The following TSPOAP1 variants were observed in gnomAD, a reference collection of about 807,000 sequenced individuals.
TSPOAP1 encodes TSPO associated protein 1.
TSPOAP1 carries 87 observed loss-of-function variants against 197.0 expected under a neutral mutation model. The ratio of observed to expected loss-of-function variants is 0.44; its 90% CI spans 0.37 to 0.53. The LOEUF (loss-of-function observed/expected upper bound fraction) is 0.53. TSPOAP1 is among the 20% of genes least tolerant of loss of function. TSPOAP1 has a pLI of 0.00. For missense variants in TSPOAP1, 2,174 were observed against 2,411.3 expected, an observed-to-expected ratio of 0.90 and a Z score of 2.06; for synonymous variants, 913 against 998.9, an observed-to-expected ratio of 0.91 and a Z score of 1.62.
In TSPOAP1 at chr17:58,324,346, G is replaced by A. The variant is rs1450371119; in HGVS notation, c.942+465C>T. 6.6e-6 allele frequency among the ~76,000 whole-genome samples: 1 copy of A among 152,184 alleles called. No homozygotes were observed. Among genetic ancestry groups the A allele is most frequent in the Non-Finnish European group, 1.5e-5 (1 of 68,002 alleles). On this transcript the variant is annotated intron_variant, in intron 5 of 31. Transcript: ENST00000343736. This position sits in a 1 kb window ranked among gnomAD's most constrained non-coding sequence, Gnocchi z 5.8. Reference sequence around the variant, plus strand: ...GGGCTGCCTAAGCCCCCCGCTCAGTGAGGGTTGCCTGTACCTGGAGCCGGG... The same window carrying A: ...GGGCTGCCTAAGCCCCCCGCTCAGTAAGGGTTGCCTGTACCTGGAGCCGGG...
At chr17:58,306,739 G>A (rs939135150) in intron 25 of TSPOAP1, 61 bp downstream of exon 25, 19 of 1,561,184 alleles carry the variant, frequency 1.2e-5, no homozygotes, top group Non-Finnish European at 1.6e-5. Context: ...AATTGCTCAG[G>A]GTCAGGTGGA....
chr17:58,305,224 C>T lies in TSPOAP1; in HGVS notation c.5434-53G>A, dbSNP rs780825648. 1.7e-5 allele frequency: 26 copies of T among 1,509,800 alleles called. 3 individuals are homozygous for T. In the South Asian group the frequency reaches 2.1e-4, roughly 12 times the overall value. 93.5% of individuals were successfully genotyped at this position (1,509,800 alleles called of 1,614,324 possible). On this transcript the variant is annotated intron_variant, in intron 29 of 31. Coordinates refer to ENST00000343736, the MANE Select transcript of TSPOAP1 (RefSeq NM_004758.4). ...GATCAGGAAAGAGGCTCTGGCCCTGCCCCTCGACTCTGATGCCCCTGGGGA... is the reference window on the plus strand; with the variant it reads ...GATCAGGAAAGAGGCTCTGGCCCTGTCCCTCGACTCTGATGCCCCTGGGGA...
rs753454103 is a variant in TSPOAP1 at position 58,318,369 on chromosome 17, G to A, written c.1783C>T (p.Arg595Ter). Residue 595 changes from arginine to a stop codon, truncating the protein, a stop_gained, in exon 14 of 32, where the codon CGA becomes TGA. Transcript: ENST00000343736. LOFTEE classifies it high-confidence loss of function. ...GACTCTGCCTTCTTGGCTGTCCTTC[G>A]AGGGACCCCAGTGAGAGTGGCAGGG... ...PAPATLTGVP[R>*]RTAKKAESLS... The A allele has an allele frequency of 1.9e-6, 3 of 1,614,028 alleles. No homozygotes were observed. Among genetic ancestry groups the A allele is most frequent in the East Asian group, 2.2e-5 (1 of 44,884 alleles).
chr17:58,310,567 T>C lies in TSPOAP1; in HGVS notation c.3644A>G (p.Asn1215Ser). ...TQGARAQQAP[N>S]TEMCQGGDPG... Reference sequence around the variant, plus strand: ...GTCTCCTCCTTGGCACATCTCGGTATTTGGCGCCTGCTGGGCCCGTGCTCC... The same window carrying C: ...GTCTCCTCCTTGGCACATCTCGGTACTTGGCGCCTGCTGGGCCCGTGCTCC... The change falls in exon 20 of 32, where the codon AAT (asparagine) becomes AGT (serine). Residue 1215 changes from asparagine (N) to serine (S), a missense_variant. Transcript: ENST00000343736. The C allele has an allele frequency of 6.2e-7, 1 of 1,613,444 alleles. No homozygotes were observed. Among genetic ancestry groups the C allele is most frequent in the Admixed American group, 1.7e-5 (1 of 60,028 alleles).
chr17:58,323,556 C>A lies in TSPOAP1; in HGVS notation c.943-11G>T, dbSNP rs1163472872. 1.2e-6 allele frequency: 2 copies of A among 1,612,726 alleles called. No individual in the cohort carries two copies. Among genetic ancestry groups the A allele is most frequent in the African/African-American group, 2.7e-5 (2 of 74,922 alleles). The stretch of plus-strand genomic sequence containing the variant: ...CTCCTGGGGCGTGGCCTGGAAATGC[C>A]CAGGGGCAAGGGGCTGGCACCTGAG... On this transcript the variant is annotated splice_polypyrimidine_tract_variant and intron_variant, in intron 5 of 31. Transcript: ENST00000343736.
intron 20 of TSPOAP1, 26 bp from the exon 21 acceptor site, chr17:58,310,184 G>C: frequency 1.2e-6 from 2 of 1,604,988 alleles, no homozygotes; most frequent in Non-Finnish European, 1.7e-6. Context: ...CAAGGCAGGA[G>C]AGATAAGGAC....
Position 58,308,847 on chromosome 17 carries a change from C to G in TSPOAP1, c.4425G>C (p.Arg1475Ser). The G allele has an allele frequency of 1.2e-6, 2 of 1,610,214 alleles. No homozygotes were observed. Among genetic ancestry groups the G allele is most frequent in the African/African-American group, 2.7e-5 (2 of 75,026 alleles). ...SGRGRLGPSR[R>S]CSRGRALEPG... ...GCTCCAGCGCCCGGCCACGGGAGCA[C>G]CTCCGGGAAGGGCCCAGCCGGCCTC... The change falls in exon 22 of 32, where the codon AGG (arginine) becomes AGC (serine). Residue 1475 changes from arginine (R) to serine (S), a missense_variant. By Grantham distance (110) the Arg-to-Ser change is moderately radical. Transcript: ENST00000343736.
chr17:58,326,448 G>T lies in TSPOAP1; in HGVS notation c.442-27C>A. On this transcript the variant is annotated intron_variant, in intron 2 of 31. Coordinates refer to ENST00000343736, the MANE Select transcript of TSPOAP1 (RefSeq NM_004758.4). The surrounding 1 kb of genome is among the most constrained non-coding windows in gnomAD (Gnocchi z 4.7). ...TGACAAGGGGTCAGGCAGAATTGGG[G>T]CATGTAGGGAGCACCCCACAGACCC... The T allele has an allele frequency of 6.2e-7, 1 of 1,611,804 alleles. No individual in the cohort carries two copies. The highest frequency in any genetic ancestry group is 8.5e-7 in the Non-Finnish European group (1 of 1,179,464).
intron 16 of TSPOAP1, among the ~76,000 whole-genome samples, chr17:58,313,282 A>C (rs537678993): frequency 6.6e-6 from 1 of 152,312 alleles, no homozygotes; most frequent in African/African-American, 2.4e-5. Flanking sequence ...ATAATTTCAT[A>C]ATTTCATATT....
intron 5 of TSPOAP1, 95 bp from the exon 6 acceptor site, chr17:58,323,640 A>C (rs1301781293): frequency 1.1e-5 from 15 of 1,312,146 alleles, no homozygotes; most frequent in Non-Finnish European, 1.5e-5. Context: ...TTCCCACCCC[A>C]TCATTCAGCC....
chr17:58,307,668 C>T lies in TSPOAP1; in HGVS notation c.4926G>A (p.Ser1642=), dbSNP rs544488731. The change falls in exon 24 of 32, where the codon TCG becomes TCA. Residue 1642 remains serine (S), a synonymous_variant. Transcript: ENST00000343736. ...ALFDYDPVSM[S]PNPDAGEEEL... ...CTTCTTCTCCAGCATCAGGATTGGGCGACATTGACACGGGGTCATAGTCAA... is the reference window on the plus strand; with the variant it reads ...CTTCTTCTCCAGCATCAGGATTGGGTGACATTGACACGGGGTCATAGTCAA... 22 of 1,614,116 alleles carry T rather than the reference C, an allele frequency of 1.4e-5. No individual in the cohort carries two copies. Among genetic ancestry groups the T allele is most frequent in the East Asian group, 8.9e-5 (4 of 44,882 alleles).
rs945747103 is a variant in TSPOAP1 at position 58,328,266 on chromosome 17, T to C, written c.-346A>G. On this transcript the variant is annotated 5_prime_UTR_variant, in exon 1 of 32. Transcript: ENST00000343736. This position sits in a 1 kb window ranked among gnomAD's most constrained non-coding sequence, Gnocchi z 4.3. ...GTGCGTGTGTGTGTCTCCAGGTCTG[T>C]CCGTGCAGGTCAATGCTGTCTCATG... is the stretch of plus-strand genomic sequence containing the variant. The C allele has an allele frequency of 5.7e-6, 2 of 352,326 alleles. No homozygotes were observed. The highest frequency in any genetic ancestry group is 3.5e-5 in the South Asian group (1 of 28,648). The allele number at this position is 352,326 out of a possible 1,614,324, so 21.8% of individuals were successfully genotyped here.
At position 58,312,588 on chromosome 17, in the gene TSPOAP1, G is replaced by A; in HGVS notation, c.2233C>T (p.Leu745=). ...SHSSGPELSF[L]SVGGGGSSSG... ...CTGCTGCCACCCCCACCTACACTCA[G>A]GAAACTGAGTTCAGGGCCTGAGCTG... is the stretch of plus-strand genomic sequence containing the variant. Residue 745 remains leucine, a synonymous_variant, in exon 17 of 32, where the codon CTG becomes TTG. Transcript: ENST00000343736. 6.2e-7 allele frequency: 1 copy of A among 1,613,350 alleles called. No homozygotes were observed. Among genetic ancestry groups the A allele is most frequent in the Non-Finnish European group, 8.5e-7 (1 of 1,179,724 alleles).
chr17:58,317,327 G>A (rs891700153), intron 14 of TSPOAP1, among the ~76,000 whole-genome samples: 3 of 152,182 alleles, frequency 2.0e-5, no homozygotes, highest in Non-Finnish European at 2.9e-5. Flanking sequence ...GCTTCTAGCC[G>A]AGTGACAGTG....
Position 58,326,734 on chromosome 17 carries a change from C to G in TSPOAP1, c.390G>C (p.Leu130=), listed in dbSNP as rs373717627. Reference sequence around the variant, plus strand: ...TGGCACAGCGCTGCCGCAGCTCCCCCAGGGCCCTCAGCAGCTCCAGATTGG... The same window carrying G: ...TGGCACAGCGCTGCCGCAGCTCCCCGAGGGCCCTCAGCAGCTCCAGATTGG... The part of the protein sequence containing the change: ...DRPNLELLRA[L]GELRQRCAIL... Residue 130 remains leucine (L), a synonymous_variant, in exon 2 of 32, where the codon CTG becomes CTC. Coordinates refer to ENST00000343736, the MANE Select transcript of TSPOAP1 (RefSeq NM_004758.4). The surrounding 1 kb of genome is among the most constrained non-coding windows in gnomAD (Gnocchi z 4.7). 1.4e-4 allele frequency: 222 copies of G among 1,614,152 alleles called. No individual in the cohort carries two copies. The highest frequency in any genetic ancestry group is 6.8e-5 in the Non-Finnish European group (80 of 1,180,024).
At chr17:58,317,608 G>A (rs1255342809) in intron 14 of TSPOAP1, among the ~76,000 whole-genome samples, 1 of 152,204 alleles carries the variant, frequency 6.6e-6, no homozygotes, top group African/African-American at 2.4e-5. Context: ...ACCACTTTCT[G>A]AATGTTTGGC....
intron 22 of TSPOAP1, 58 bp downstream of exon 22, chr17:58,308,483 G>A (rs1164632735): frequency 3.4e-6 from 5 of 1,487,968 alleles, no homozygotes; most frequent in Non-Finnish European, 4.5e-6. Context: ...TGGGCAGCAA[G>A]CAGGGCCACC....
In TSPOAP1 at chr17:58,316,059, T is replaced by C. The variant is rs780775523; in HGVS notation, c.2062A>G (p.Ile688Val). 4.1e-5 allele frequency: 66 copies of C among 1,614,018 alleles called. 1 individual carries two copies. In the South Asian group the frequency reaches 6.5e-4, roughly 16 times the overall value. ...CCATCCTCATCCATGTTGCCATAGATGTAGATGTACTCGCCAGCTGTCAGC... is the reference window on the plus strand; with the variant it reads ...CCATCCTCATCCATGTTGCCATAGACGTAGATGTACTCGCCAGCTGTCAGC... ...LPLTAGEYIYIYGNMDEDGFF... is the reference protein window; with the variant it reads ...LPLTAGEYIYVYGNMDEDGFF... The change falls in exon 16 of 32, where the codon ATC (isoleucine) becomes GTC (valine). Residue 688 changes from isoleucine to valine, a missense_variant. Ile to Val is a conservative substitution (Grantham distance 29). Around this residue, in one of 5 missense-constraint regions of TSPOAP1, gnomAD observed 1,933 missense variants for 2,139.0 expected, o/e 0.90. Transcript: ENST00000343736.
In TSPOAP1 at chr17:58,318,373, G is replaced by T; in HGVS notation, c.1779C>A (p.Val593=). ...CTGCCTTCTTGGCTGTCCTTCGAGG[G>T]ACCCCAGTGAGAGTGGCAGGGGCAG... ...SEPAPATLTG[V]PRRTAKKAES... The change falls in exon 14 of 32, where the codon GTC becomes GTA. Residue 593 remains valine (V), a synonymous_variant. Transcript: ENST00000343736. The T allele has an allele frequency of 6.2e-7, 1 of 1,614,188 alleles. No homozygotes were observed. The highest frequency in any genetic ancestry group is 8.5e-7 in the Non-Finnish European group (1 of 1,180,000).
Sources: gnomAD v4.1 joint callset for allele counts (sites outside exome capture counted in the v4.1 genomes callset) on GRCh38, gnomAD v4.1.1 for gene constraint, gnomAD v4.1.1 regional missense constraint, Gnocchi (gnomAD v3.1) non-coding constraint, MANE v1.5 for transcripts, NCBI Gene and HGNC (gene_info 2026-07-23, HGNC 2026-07-21) for gene names.